The following BPIFC variants were observed in gnomAD, a reference collection of about 807,000 sequenced individuals.
BPIFC encodes the protein BPI fold-containing family C protein.
A neutral mutation model predicts 57.6 loss-of-function variants in BPIFC; 60 were observed. The observed-to-expected ratio is 1.04, with a 90% CI of 0.85 to 1.29. BPIFC has a LOEUF of 1.29. BPIFC is among the 50% of genes most tolerant of loss of function. BPIFC has a pLI of 0.00. For synonymous variants in BPIFC, 243 were observed against 224.5 expected, an observed-to-expected ratio of 1.08 and a Z score of -0.74; for missense variants, 581 against 600.5, an observed-to-expected ratio of 0.97 and a Z score of 0.34.
At chr22:32,461,526 G>A (rs1426075036) in intron 2 of BPIFC, 48 bp downstream of exon 2, 1 of 933,164 alleles carries the variant, frequency 1.1e-6, no homozygotes, top group Non-Finnish European at 1.3e-6. Flanking sequence ...GTCCTGAGAG[G>A]CAGAGTGACA....
rs1934593139 is a variant in BPIFC at position 32,442,528 on chromosome 22, A to G, written c.655+143T>C. ...CCTAAGCACAAGGCACATCCTCCCA[A>G]GCACCTTCCCGGGGCTCTAATTTGC... On this transcript the variant is annotated intron_variant, in intron 8 of 16. Coordinates refer to ENST00000300399, the MANE Select transcript of BPIFC (RefSeq NM_174932.3). 6.5e-6 allele frequency: 5 copies of G among 772,896 alleles called. No homozygotes were observed. In the Admixed American group the frequency reaches 1.0e-4, roughly 16 times the overall value. The allele number at this position is 772,896 out of a possible 1,614,324, so 47.9% of individuals were successfully genotyped here. A position where few individuals can be genotyped will look rare whatever the true frequency, so the allele number is the denominator to read the frequency against.
rs577893403 is a variant in BPIFC at position 32,457,157 on chromosome 22, C to T, written c.124+106G>A. The T allele has an allele frequency of 5.1e-5, 68 of 1,320,770 alleles. No homozygotes were observed. In the East Asian group the frequency reaches 5.5e-4, roughly 11 times the overall value. The allele number at this position is 1,320,770 out of a possible 1,614,324, so 81.8% of individuals were successfully genotyped here. On this transcript the variant is annotated intron_variant, in intron 3 of 16. Transcript: ENST00000300399. ...TAAGGTACTGGATCACCCCACAGTA[C>T]GGCGTTTCTCAGTCAGGAGACAGCC...
intron 14 of BPIFC, 138 bp downstream of exon 14, chr22:32,419,224 G>A: frequency 1.1e-6 from 1 of 878,234 alleles, no homozygotes; most frequent in East Asian, 2.6e-5. Context: ...GCTACATAAA[G>A]AATTTCAAAG....
chr22:32,434,082 T>TTATATATATA (rs10628834), intron 10 of BPIFC, among the ~76,000 whole-genome samples: 116 of 147,294 alleles, frequency 7.9e-4, no homozygotes, highest in African/African-American at 2.7e-3. Flanking sequence ...AAAGTTTTAG[T>TTATATATATA]TATATATATA....
At chr22:32,437,930 A>T (rs1300422420) in intron 8 of BPIFC, 79 bp from the exon 9 acceptor site, 3 of 758,222 alleles carry the variant, frequency 4.0e-6, no homozygotes, top group Non-Finnish European at 6.3e-6. Flanking sequence ...TCTATCTAGA[A>T]CAATATAATT....
At chr22:32,416,038 G>C in intron 15 of BPIFC, 47 bp from the exon 16 acceptor site, 2 of 1,216,158 alleles carry the variant, frequency 1.6e-6, no homozygotes, top group Non-Finnish European at 2.3e-6. Context: ...AAGCACAGAG[G>C]TTTTAGCAAG....
At chr22:32,452,478 T>TA (rs1361200894) in intron 4 of BPIFC, among the ~76,000 whole-genome samples, 1 of 149,430 alleles carries the variant, frequency 6.7e-6, no homozygotes, top group Non-Finnish European at 1.5e-5. Context: ...CTACTAAAAA[T>TA]ACAAAAAAAA....
chr22:32,431,439 A>ATTTATTTATTTTATTTTTTTTTTTTTTTT, intron 12 of BPIFC, 25 bp from the exon 13 acceptor site: 4 of 1,343,054 alleles, frequency 3.0e-6, no homozygotes, highest in Admixed American at 1.8e-5. Context: ...AGCATTTATT[A>ATTTATTTATTTTATTTTTTTTTTTTTTTT]TTAAGACGAG....
chr22:32,422,709 A>G (rs76504513), intron 13 of BPIFC, among the ~76,000 whole-genome samples: 1 of 149,738 alleles, frequency 6.7e-6, no homozygotes, highest in East Asian at 1.9e-4. Flanking sequence ...CTACGTTTTG[A>G]AAAAAAAAAG....
At position 32,432,527 on chromosome 22, in the gene BPIFC, A is replaced by C. The variant is rs144531815; in HGVS notation, c.995T>G (p.Ile332Ser). ...CCTCACCATGAAGGGCTGGGACAAG[A>C]TGTAGATCTCTGCAATCTGCCCACA... ...NVLSRIAEIY[I>S]LSQPFMVRIM... Residue 332 changes from isoleucine to serine, a missense_variant, in exon 12 of 17, where the codon ATC (isoleucine) becomes AGC (serine). By Grantham distance (142) the Ile-to-Ser change is moderately radical. Transcript: ENST00000300399. 1 of 1,611,994 alleles carries C rather than the reference A, an allele frequency of 6.2e-7. No individual in the cohort carries two copies. The highest frequency in any genetic ancestry group is 8.5e-7 in the Non-Finnish European group (1 of 1,179,140).
chr22:32,442,697 A>T lies in BPIFC; in HGVS notation c.629T>A (p.Leu210Gln). 10 of 1,614,034 alleles carry T rather than the reference A, an allele frequency of 6.2e-6. No individual in the cohort carries two copies. Among genetic ancestry groups the T allele is most frequent in the Non-Finnish European group, 8.5e-6 (10 of 1,179,974 alleles). ...CPIIASEVKA[L>Q]NANLSTLEVL... The stretch of plus-strand genomic sequence containing the variant: ...CTCCAGTGTGCTGAGGTTGGCATTT[A>T]GCGCTTTGACTTCACTTGCAATAAT... Residue 210 changes from leucine to glutamine, a missense_variant, in exon 8 of 17, where the codon CTA becomes CAA. By Grantham distance (113) the Leu-to-Gln change is moderately radical (BLOSUM62 -2). Transcript: ENST00000300399.
intron 9 of BPIFC, among the ~76,000 whole-genome samples, chr22:32,436,358 G>A (rs887780785): frequency 4.8e-5 from 5 of 104,838 alleles, no homozygotes; most frequent in South Asian, 4.6e-4. Context: ...AGGAGGAGGA[G>A]GAGGAGGAGG....
chr22:32,451,181 C>A (rs943862032), intron 4 of BPIFC, among the ~76,000 whole-genome samples: 2 of 152,176 alleles, frequency 1.3e-5, no homozygotes, highest in South Asian at 4.2e-4. Flanking sequence ...GCTTCATCCA[C>A]GTCCCTACAA....
At chr22:32,438,083 AAATTTTG>A (rs1475115995) in intron 8 of BPIFC, among the ~76,000 whole-genome samples, 1 of 152,206 alleles carries the variant, frequency 6.6e-6, no homozygotes, top group Non-Finnish European at 1.5e-5. Flanking sequence ...AGCATCACTA[AAATTTTG>A]GTGTGCAGTG....
At chr22:32,446,863 A>G in intron 5 of BPIFC, 1 of 937,996 alleles carries the variant, frequency 1.1e-6, no homozygotes, top group East Asian at 1.2e-4. Flanking sequence ...ACTCCTGCAG[A>G]TGGGGAAGTG....
At chr22:32,456,675 C>T (rs1360171740) in intron 3 of BPIFC, among the ~76,000 whole-genome samples, 1 of 152,070 alleles carries the variant, frequency 6.6e-6, no homozygotes, top group African/African-American at 2.4e-5. Context: ...TTTTTGCAGT[C>T]CATTCCCTCT....
intron 2 of BPIFC, among the ~76,000 whole-genome samples, 173 bp from the exon 3 acceptor site, chr22:32,457,559 G>GTCCGTCCATCCA (rs1778491972): frequency 3.4e-5 from 5 of 148,788 alleles, no homozygotes; most frequent in African/African-American, 1.2e-4. Flanking sequence ...CCATCCATCC[G>GTCCGTCCATCCA]TCCATCCATC....
At chr22:32,458,114 C>T (rs555748369) in intron 2 of BPIFC, among the ~76,000 whole-genome samples, 189 of 152,234 alleles carry the variant, frequency 1.2e-3, no homozygotes, top group African/African-American at 4.3e-3. Context: ...TCAGTGTAAA[C>T]GCCGAAGTCA....
chr22:32,462,168 C>CAAAAAAAAAAAAAAAAAAAAAAAAAA (rs35716277), intron 1 of BPIFC, among the ~76,000 whole-genome samples: 76 of 53,602 alleles, frequency 1.4e-3, no homozygotes, highest in Non-Finnish European at 1.9e-3. Flanking sequence ...GACTCCATCT[C>CAAAAAAAAAAAAAAAAAAAAAAAAAA]AAAAAAAAAA....
Sources: gnomAD v4.1 joint callset for allele counts (sites outside exome capture counted in the v4.1 genomes callset) on GRCh38, gnomAD v4.1.1 for gene constraint, MANE v1.5 for transcripts, NCBI Gene and HGNC (gene_info 2026-07-23, HGNC 2026-07-21) for gene names.